The following MACC1 variants were observed in gnomAD, a reference collection of about 807,000 sequenced individuals.
MACC1 encodes metastasis-associated in colon cancer protein 1.
Under a neutral mutation model 70.7 loss-of-function variants are expected in MACC1, and 79 were observed. The observed-to-expected ratio is 1.12, with a 90% CI of 0.93 to 1.35. The LOEUF is 1.35. Among genes scored for constraint, MACC1 ranks in the 40% most tolerant of loss-of-function variants. The probability of loss-of-function intolerance (pLI) is 0.00; values close to 1 mark genes in which losing one functional copy is unlikely to be tolerated. For missense variants in MACC1, 1,106 were observed against 978.1 expected, an observed-to-expected ratio of 1.13 and a Z score of -1.74; for synonymous variants, 361 against 347.2, an observed-to-expected ratio of 1.04 and a Z score of -0.44.
In MACC1 at chr7:20,136,838, TTAATTATTAATTG is replaced by T. The variant is rs1395360091; in HGVS notation, c.*4095_*4107del. 1 of 149,386 alleles carries T rather than the reference TTAATTATTAATTG, an allele frequency of 6.7e-6. No individual in the cohort carries two copies. Among genetic ancestry groups the T allele is most frequent in the Non-Finnish European group, 1.5e-5 (1 of 67,468 alleles). 9.3% of individuals were successfully genotyped at this position (149,386 alleles called of 1,614,324 possible). ...TAATTCTTAAAGATTAAGATTATTA[TTAATTATTAATTG>T]TAATTATTAATTCTTAAAGATTATT... is the stretch of plus-strand genomic sequence containing the variant. On this transcript the variant is annotated 3_prime_UTR_variant, in exon 7 of 7. Transcript: ENST00000400331.
chr7:20,207,153 T>C (rs1782924912), intron 1 of MACC1, among the ~76,000 whole-genome samples: 1 of 152,086 alleles, frequency 6.6e-6, no homozygotes. Flanking sequence ...CTTTTCTTTT[T>C]TTTTTTAGAC....
chr7:20,190,576 T>G (rs1782657602), intron 1 of MACC1, among the ~76,000 whole-genome samples: 1 of 152,182 alleles, frequency 6.6e-6, no homozygotes, highest in South Asian at 2.1e-4. Context: ...CTTTTTCAGT[T>G]CCCACAGCCT....
chr7:20,165,324 T>A (rs1782197080), intron 2 of MACC1, among the ~76,000 whole-genome samples: 1 of 152,184 alleles, frequency 6.6e-6, no homozygotes, highest in Non-Finnish European at 1.5e-5. Context: ...ATACTGTGGT[T>A]CGGTTCCAAG....
intron 6 of MACC1, chr7:20,150,602 C>G (rs983705155): frequency 6.6e-6 from 1 of 152,024 alleles, no homozygotes; most frequent in African/African-American, 2.4e-5. Flanking sequence ...GAGTAATTTC[C>G]GAGACGAAAA....
chr7:20,178,373 G>A (rs1782445681), intron 1 of MACC1, among the ~76,000 whole-genome samples: 1 of 151,702 alleles, frequency 6.6e-6, no homozygotes, highest in Non-Finnish European at 1.5e-5. Context: ...TATGTTCTAT[G>A]CTTTTGTCCT....
chr7:20,168,314 T>C (rs1782251926), intron 2 of MACC1, among the ~76,000 whole-genome samples: 1 of 152,184 alleles, frequency 6.6e-6, no homozygotes. Context: ...GGGTGACATT[T>C]GCAGGAAGTT....
chr7:20,145,379 C>T (rs1483190855), intron 6 of MACC1, among the ~76,000 whole-genome samples: 1 of 152,000 alleles, frequency 6.6e-6, no homozygotes, highest in Non-Finnish European at 1.5e-5. Context: ...AAATGGAAGA[C>T]ACCAAACAAA....
chr7:20,184,022 T>C (rs567109194), intron 1 of MACC1, among the ~76,000 whole-genome samples: 9 of 152,322 alleles, frequency 5.9e-5, no homozygotes, highest in Non-Finnish European at 5.9e-5. Flanking sequence ...ATTCTAACTT[T>C]TAAGGATTAT....
Position 20,160,065 on chromosome 7 carries a change from T to C in MACC1, c.296A>G (p.Asp99Gly). 1.2e-6 allele frequency: 2 copies of C among 1,609,180 alleles called. No homozygotes were observed. Among genetic ancestry groups the C allele is most frequent in the Non-Finnish European group, 1.7e-6 (2 of 1,178,172 alleles). The part of the protein sequence containing the change: ...KRNNISILKE[D>G]PFLFCREIEN... ...TATTTCTCTACAGAAAAGAAAAGGA[T>C]CTTCCTTTAAGATGGAAATATTATT... The change falls in exon 5 of 7, where the codon GAT becomes GGT. Residue 99 changes from aspartate to glycine, a missense_variant. Physicochemically the swap from Asp to Gly is moderately conservative, Grantham distance 94. Transcript: ENST00000400331.
intron 1 of MACC1, among the ~76,000 whole-genome samples, chr7:20,192,584 A>G (rs1782689099): frequency 6.6e-6 from 1 of 152,180 alleles, no homozygotes; most frequent in African/African-American, 2.4e-5. Flanking sequence ...TACAGTCTAT[A>G]TTAGGCCAAG....
At chr7:20,149,860 G>C (rs1165689704) in intron 6 of MACC1, among the ~76,000 whole-genome samples, 1 of 152,036 alleles carries the variant, frequency 6.6e-6, no homozygotes, top group African/African-American at 2.4e-5. Flanking sequence ...AATTTGAAAG[G>C]GCTTATCATT....
chr7:20,143,546 G>A (rs560378635), intron 6 of MACC1, among the ~76,000 whole-genome samples: 4 of 152,100 alleles, frequency 2.6e-5, no homozygotes, highest in South Asian at 4.2e-4. Flanking sequence ...GCGCCACCAC[G>A]CCCAGCTAAT....
intron 1 of MACC1, among the ~76,000 whole-genome samples, chr7:20,201,758 C>G (rs2128108347): frequency 6.6e-6 from 1 of 151,236 alleles, no homozygotes; most frequent in Admixed American, 6.6e-5. Flanking sequence ...GTTTTCGACT[C>G]CTAAACTCCA....
chr7:20,182,123 T>G (rs1319654450), intron 1 of MACC1, among the ~76,000 whole-genome samples: 1 of 135,274 alleles, frequency 7.4e-6, no homozygotes, highest in East Asian at 2.2e-4. Flanking sequence ...TTCTCACTCA[T>G]AGGTGGGAAT....
intron 1 of MACC1, among the ~76,000 whole-genome samples, chr7:20,179,429 C>T (rs917720429): frequency 2.6e-5 from 4 of 152,112 alleles, no homozygotes; most frequent in African/African-American, 4.8e-5. Flanking sequence ...TTGTCTGTTT[C>T]GTTTCTCTCC....
chr7:20,181,603 A>G (rs1251403425), intron 1 of MACC1, among the ~76,000 whole-genome samples: 1 of 152,166 alleles, frequency 6.6e-6, no homozygotes, highest in African/African-American at 2.4e-5. Context: ...AAAATATGCC[A>G]ACAACCTAGA....
chr7:20,213,965 T>A (rs909106944), intron 1 of MACC1, among the ~76,000 whole-genome samples: 1 of 152,120 alleles, frequency 6.6e-6, no homozygotes, highest in East Asian at 1.9e-4. Flanking sequence ...ACTATAATTA[T>A]TATTATTCAG....
At chr7:20,152,875 C>T (rs1431975156) in intron 6 of MACC1, among the ~76,000 whole-genome samples, 1 of 152,196 alleles carries the variant, frequency 6.6e-6, no homozygotes, top group East Asian at 1.9e-4. Flanking sequence ...AAAAAAGGTC[C>T]TGCTTTCAAT....
intron 6 of MACC1, among the ~76,000 whole-genome samples, chr7:20,150,889 A>C (rs1177830620): frequency 6.6e-6 from 1 of 152,104 alleles, no homozygotes; most frequent in East Asian, 1.9e-4. Context: ...CTCTACTAAA[A>C]ATACAAAAAT....
Sources: allele counts gnomAD v4.1 joint callset (sites outside exome capture counted in the v4.1 genomes callset), GRCh38; gene constraint gnomAD v4.1.1; transcripts MANE v1.5; gene names NCBI Gene and HGNC (gene_info 2026-07-23, HGNC 2026-07-21).